The following PDHA1 variants were observed in gnomAD, a reference collection of about 807,000 sequenced individuals.
The protein encoded by PDHA1 is pyruvate dehydrogenase E1 component subunit alpha, somatic form, mitochondrial.
A neutral mutation model predicts 33.0 loss-of-function variants in PDHA1; 1 was observed. The ratio of observed to expected loss-of-function variants is 0.03; its 90% CI spans 0.01 to 0.14. The LOEUF is 0.14. Ranked by LOEUF, PDHA1 falls within the 10% of genes least tolerant of loss-of-function variation. The pLI is 1.00. For synonymous variants in PDHA1, 123 were observed against 119.2 expected, an observed-to-expected ratio of 1.03 and a Z score of -0.21; for missense variants, 168 against 325.1, an observed-to-expected ratio of 0.52 and a Z score of 3.72.
At position 19,354,659 on chromosome X, in the gene PDHA1, A is replaced by T. The variant is rs191772378; in HGVS notation, c.603+76A>T. The T allele has an allele frequency of 2.2e-4, 151 of 690,113 alleles. No individual in the cohort carries two copies. In the East Asian group the frequency reaches 3.1e-3, roughly 14 times the overall value. 56.9% of individuals were successfully genotyped at this position (690,113 alleles called of 1,213,427 possible). On this transcript the variant is annotated intron_variant, in intron 6 of 10. Transcript: ENST00000422285. ...AATATTTACAGTTGAATTTCTAAAG[A>T]AGTAGCATATTGCTTATTAGGTGAA...
In PDHA1 at chrX:19,361,495, T is replaced by C; in HGVS notation, c.*1842T>C. ...GAATTTCTTTGTTGTAAATTTACCT[T>C]TTCAATTGTCTTTGCATCAGCTCCT... On this transcript the variant is annotated 3_prime_UTR_variant, in exon 11 of 11. Transcript: ENST00000422285. 1 of 1,209,062 alleles carries C rather than the reference T, an allele frequency of 8.3e-7. No homozygotes were observed. The highest frequency in any genetic ancestry group is 1.1e-6 in the Non-Finnish European group (1 of 892,988).
Position 19,355,736 on chromosome X carries a change from T to C in PDHA1, c.810T>C (p.Ala270=). Residue 270 remains alanine (A), a synonymous_variant, in exon 8 of 11, where the codon GCT becomes GCC. Transcript: ENST00000422285. ...TCCGAGAGGCAACAAGGTTTGCTGC[T>C]GCCTATTGTAGATCTGGGAAGGTAA... is the stretch of plus-strand genomic sequence containing the variant. The part of the protein sequence containing the change: ...LCVREATRFA[A]AYCRSGKGPI... The C allele has an allele frequency of 8.3e-7, 1 of 1,205,942 alleles. No homozygotes were observed. The highest frequency in any genetic ancestry group is 1.1e-6 in the Non-Finnish European group (1 of 889,992).
intron 9 of PDHA1, 88 bp from the exon 10 acceptor site, chrX:19,358,828 A>ATCCAACCCCATATCATGTTTCATCATGTT: frequency 3.5e-6 from 2 of 578,414 alleles, no homozygotes; most frequent in Non-Finnish European, 6.2e-6. Context: ...CATTGGGACA[A>ATCCAACCCCATATCATGTTTCATCATGTT]TCCAACCCCA....
chrX:19,345,144 C>G (rs2063122481), intron 1 of PDHA1, among the ~76,000 whole-genome samples: 1 of 111,206 alleles, frequency 9.0e-6, no homozygotes, highest in Admixed American at 9.6e-5. Context: ...ACAGTGAGGT[C>G]GTGTTAATTG....
At chrX:19,345,747 C>T (rs772060569) in intron 1 of PDHA1, 3 of 145,746 alleles carry the variant, frequency 2.1e-5, no homozygotes, top group Non-Finnish European at 3.6e-5. Flanking sequence ...TTGCAGGGTC[C>T]CCCCCCCCCC....
Position 19,359,978 on chromosome X carries a change from G to GC in PDHA1, c.*329dup, listed in dbSNP as rs2063259002. ...TTTGGGAGGAGACCATTATGGCGGG[G>GC]CCCCTCACAGCATTCTACCAACCAT... On this transcript the variant is annotated 3_prime_UTR_variant, in exon 11 of 11. Transcript: ENST00000422285. The GC allele has an allele frequency of 6.8e-6, 2 of 295,665 alleles. No homozygotes were observed. Among genetic ancestry groups the GC allele is most frequent in the South Asian group, 3.6e-5 (1 of 27,989 alleles). 24.4% of individuals were successfully genotyped at this position (295,665 alleles called of 1,213,427 possible). A position where few individuals can be genotyped will look rare whatever the true frequency, so the allele number is the denominator to read the frequency against.
At chrX:19,345,578 A>T (rs1342456014) in intron 1 of PDHA1, among the ~76,000 whole-genome samples, 2 of 101,755 alleles carry the variant, frequency 2.0e-5, no homozygotes, top group African/African-American at 7.1e-5. Context: ...ATTTTAAAAA[A>T]AAAAAAAAAA....
chrX:19,353,203 T>C, intron 5 of PDHA1, 30 bp downstream of exon 5: 1 of 1,114,508 alleles, frequency 9.0e-7, no homozygotes, highest in Non-Finnish European at 1.2e-6. Flanking sequence ...GTGTGCTGCT[T>C]TAGATTTGGC....
chrX:19,352,266 C>G (rs2063168924), intron 4 of PDHA1, among the ~76,000 whole-genome samples: 1 of 98,608 alleles, frequency 1.0e-5, no homozygotes, highest in Non-Finnish European at 2.0e-5. Flanking sequence ...CACTCTTTCA[C>G]CCAGGCTGGA....
intron 6 of PDHA1, among the ~76,000 whole-genome samples, chrX:19,354,805 G>C (rs1341667513): frequency 8.9e-6 from 1 of 112,734 alleles, no homozygotes; most frequent in Admixed American, 9.4e-5. Flanking sequence ...GCTCACCTTT[G>C]CTCTACATCA....
rs200632554 is a variant in PDHA1 at position 19,359,941 on chromosome X, CCCAGCCA to C, written c.*291_*297del. On this transcript the variant is annotated 3_prime_UTR_variant, in exon 11 of 11. Transcript: ENST00000422285. ...TCCTTGTATGCCTGTTTCCCCTGCCCCCAGCCACCTTTTTGGGAGGAGACCATTATGG... is the reference window on the plus strand; with the variant it reads ...TCCTTGTATGCCTGTTTCCCCTGCCCCCTTTTTGGGAGGAGACCATTATGG... 2,197 of 330,120 alleles carry C rather than the reference CCCAGCCA, an allele frequency of 6.7e-3. 40 individuals are homozygous for C. Among genetic ancestry groups the C allele is most frequent in the African/African-American group, 0.052 (1,954 of 37,457 alleles). 27.2% of individuals were successfully genotyped at this position (330,120 alleles called of 1,213,427 possible).
intron 1 of PDHA1, among the ~76,000 whole-genome samples, chrX:19,344,391 A>G (rs1356991947): frequency 8.8e-6 from 1 of 113,327 alleles, no homozygotes; most frequent in Non-Finnish European, 1.9e-5. Context: ...GTTGGGTTAC[A>G]GGACACGGAA....
chrX:19,356,442 CAA>C (rs1252218070), intron 8 of PDHA1, among the ~76,000 whole-genome samples: 2 of 111,716 alleles, frequency 1.8e-5, no homozygotes, highest in Non-Finnish European at 3.8e-5. Context: ...GGAAATGTCA[CAA>C]AGTGGAGAGA....
Sources: gnomAD v4.1 joint callset for allele counts (sites outside exome capture counted in the v4.1 genomes callset) on GRCh38, gnomAD v4.1.1 for gene constraint, MANE v1.5 for transcripts, NCBI Gene and HGNC (gene_info 2026-07-23, HGNC 2026-07-21) for gene names.